WNT8A: variants seen among roughly 807,000 people sequenced by gnomAD.
WNT8A encodes Wnt family member 8A.
WNT8A carries 14 observed loss-of-function variants against 20.5 expected under a neutral mutation model. The ratio of observed to expected loss-of-function variants is 0.68; its 90% CI spans 0.45 to 1.07. The LOEUF is 1.07. Ranked by LOEUF, WNT8A falls within the 50% of genes least tolerant of loss-of-function variation. WNT8A has a pLI of 0.00. For missense variants in WNT8A, 397 were observed against 462.9 expected (o/e 0.86, Z 1.31); for synonymous variants, 167 against 169.2 (o/e 0.99, Z 0.10).
At chr5:138,080,444 G>GTTTTTTTGTTTTTTTTTTTT (rs750585385), upstream of WNT8A, among the ~76,000 whole-genome samples, 2 of 55,996 alleles carry the variant, frequency 3.6e-5, no homozygotes, top group East Asian at 1.1e-3. Context: ...TGTAAATCTT[G>GTTTTTTTGTTTTTTTTTTTT]TTTTTTTTTT....
Position 138,084,292 on chromosome 5 carries a change from A to G in WNT8A, c.156+9A>G, listed in dbSNP as rs1364993944. 1 of 1,613,792 alleles carries G rather than the reference A, an allele frequency of 6.2e-7. No homozygotes were observed. The highest frequency in any genetic ancestry group is 1.7e-5 in the Admixed American group (1 of 60,000). On this transcript the variant is annotated intron_variant, in intron 1 of 4. Transcript: ENST00000506684. ...TGATAACAGGTCCCAAGGTAGGATG[A>G]TCTCCAGCTTCTGTTTTTACCCACT... is the stretch of plus-strand genomic sequence containing the variant.
upstream of WNT8A, among the ~76,000 whole-genome samples, chr5:138,082,487 G>A (rs944053176): frequency 6.6e-6 from 1 of 152,190 alleles, no homozygotes; most frequent in African/African-American, 2.4e-5. Context: ...GCTGAGGCAG[G>A]AGAATCACTT....
At chr5:138,091,921 A>C (rs142139485), downstream of WNT8A, among the ~76,000 whole-genome samples, 4 of 91,400 alleles carry the variant, frequency 4.4e-5, no homozygotes, top group South Asian at 4.1e-4. Context: ...ACGCCTGGGG[A>C]AACCAGCACC....
upstream of WNT8A, among the ~76,000 whole-genome samples, chr5:138,080,453 T>TTTTTTTTG (rs1554086780): frequency 2.0e-4 from 19 of 96,496 alleles, no homozygotes; most frequent in African/African-American, 4.2e-4. Context: ...TGTTTTTTTT[T>TTTTTTTTG]TTTTTTTTTT....
rs1220788682 is a variant in WNT8A at position 138,090,974 on chromosome 5, C to T, written c.1011C>T (p.Cys337=). The part of the protein sequence containing the change: ...ISSCNCKFQW[C]CTVKCDQCRH... Reference sequence around the variant, plus strand: ...GCTGTAACTGCAAATTCCAGTGGTGCTGTACGGTCAAGTGTGACCAGTGTA... The same window carrying T: ...GCTGTAACTGCAAATTCCAGTGGTGTTGTACGGTCAAGTGTGACCAGTGTA... The change falls in exon 5 of 5, where the codon TGC becomes TGT. Residue 337 remains cysteine (C), a synonymous_variant. Transcript: ENST00000506684. 6.2e-7 allele frequency: 1 copy of T among 1,614,052 alleles called. No individual in the cohort carries two copies. Among genetic ancestry groups the T allele is most frequent in the African/African-American group, 1.3e-5 (1 of 74,914 alleles).
upstream of WNT8A, among the ~76,000 whole-genome samples, chr5:138,080,119 T>G (rs1158548076): frequency 6.6e-6 from 1 of 152,002 alleles, no homozygotes; most frequent in Non-Finnish European, 1.5e-5. Context: ...AGCCAGGAGT[T>G]TGAGACCATC....
Position 138,090,602 on chromosome 5 carries a change from G to C in WNT8A, c.639G>C (p.Trp213Cys). The change falls in exon 5 of 5, where the codon TGG (tryptophan) becomes TGC (cysteine). Residue 213 changes from tryptophan to cysteine, a missense_variant. Physicochemically the swap from Trp to Cys is radical, Grantham distance 215 (BLOSUM62 -2). Transcript: ENST00000506684. Reference sequence around the variant, plus strand: ...GGAGCTGCAGCATACAGACATGCTGGCTGCAGCTGGCTGAATTCCGGGAGA... The same window carrying C: ...GGAGCTGCAGCATACAGACATGCTGCCTGCAGCTGGCTGAATTCCGGGAGA... ...ISGSCSIQTC[W>C]LQLAEFREMG... The C allele has an allele frequency of 6.2e-7, 1 of 1,614,178 alleles. No individual in the cohort carries two copies. Among genetic ancestry groups the C allele is most frequent in the Non-Finnish European group, 8.5e-7 (1 of 1,180,034 alleles).
chr5:138,078,496 C>T, the WNT8A span, among the ~76,000 whole-genome samples: 1 of 152,124 alleles, frequency 6.6e-6, no homozygotes, highest in Admixed American at 6.6e-5. Flanking sequence ...TGCTGAGGAT[C>T]GAAGGATTTG....
chr5:138,084,415 TGGCCC>T, intron 1 of WNT8A, 78 bp from the exon 2 acceptor site: 2 of 1,549,260 alleles, frequency 1.3e-6, no homozygotes, highest in Non-Finnish European at 1.7e-6. Flanking sequence ...AATGGAGAGC[TGGCCC>T]ATCTGAGTCC....
At position 138,091,079 on chromosome 5, in the gene WNT8A, C is replaced by T. The variant is rs12520886; in HGVS notation, c.*6C>T. 0.15 allele frequency: 233,882 copies of T among 1,603,662 alleles called. 21,382 individuals carry two copies. The highest frequency in any genetic ancestry group is 0.36 in the East Asian group (16,208 of 44,698). On this transcript the variant is annotated 3_prime_UTR_variant, in exon 5 of 5. Coordinates refer to ENST00000506684, the MANE Select transcript of WNT8A (RefSeq NM_001300939.2). ...TGGGTAAGGGCAGTGCCTGATAATA[C>T]CCCACACAAGTTCACTTGATTAATT... is the stretch of plus-strand genomic sequence containing the variant.
At position 138,088,950 on chromosome 5, in the gene WNT8A, G is replaced by C. The variant is rs1750759560; in HGVS notation, c.445G>C (p.Gly149Arg). Reference protein sequence around the residue: ...KTGGHGWIWGGCSDNVEFGER... With the variant: ...KTGGHGWIWGRCSDNVEFGER... ...AGGAGGCCATGGCTGGATCTGGGGAGGCTGCAGCGACAATGTGGAATTTGG... is the reference window on the plus strand; with the variant it reads ...AGGAGGCCATGGCTGGATCTGGGGACGCTGCAGCGACAATGTGGAATTTGG... The change falls in exon 4 of 5, where the codon GGC (glycine) becomes CGC (arginine). Residue 149 changes from glycine (G) to arginine (R), a missense_variant. Gly to Arg is a moderately radical substitution (Grantham distance 125). Transcript: ENST00000506684. 2 of 1,613,902 alleles carry C rather than the reference G, an allele frequency of 1.2e-6. No individual in the cohort carries two copies. The highest frequency in any genetic ancestry group is 1.7e-6 in the Non-Finnish European group (2 of 1,180,030).
upstream of WNT8A, chr5:138,083,883 C>A: frequency 2.0e-6 from 1 of 489,272 alleles, no homozygotes; most frequent in Non-Finnish European, 3.6e-6. Context: ...GGGCTTTTGG[C>A]GAAAACTGAG....
chr5:138,089,143 G>C, intron 4 of WNT8A, 74 bp downstream of exon 4: 1 of 1,544,404 alleles, frequency 6.5e-7, no homozygotes, highest in Non-Finnish European at 8.7e-7. Flanking sequence ...ACCAAGAGCT[G>C]TCTTATACGT....
intron 2 of WNT8A, among the ~76,000 whole-genome samples, chr5:138,085,876 G>C (rs1750645342): frequency 9.1e-6 from 1 of 110,364 alleles, no homozygotes; most frequent in Non-Finnish European, 2.0e-5. Flanking sequence ...AAAAAAAAAA[G>C]ATGAGGTTCA....
Position 138,084,115 on chromosome 5 carries a change from C to A in WNT8A, c.-13C>A, listed in dbSNP as rs1750580687. On this transcript the variant is annotated 5_prime_UTR_variant, in exon 1 of 5. Coordinates refer to ENST00000506684, the MANE Select transcript of WNT8A (RefSeq NM_001300939.2). ...ATGGGGAACCTGTTTATGCTCTGGG[C>A]AGCTCTGGGCATATGCTGTGCTGCA... is the stretch of plus-strand genomic sequence containing the variant. 1 of 1,614,052 alleles carries A rather than the reference C, an allele frequency of 6.2e-7. No homozygotes were observed. Among genetic ancestry groups the A allele is most frequent in the African/African-American group, 1.3e-5 (1 of 75,042 alleles).
chr5:138,078,629 A>C, the WNT8A span, among the ~76,000 whole-genome samples: 1 of 152,166 alleles, frequency 6.6e-6, no homozygotes, highest in Non-Finnish European at 1.5e-5. Context: ...TGAAAGCCTT[A>C]AACTATAGGA....
chr5:138,081,672 A>G (rs1750515404), upstream of WNT8A, among the ~76,000 whole-genome samples: 1 of 151,986 alleles, frequency 6.6e-6, no homozygotes, highest in African/African-American at 2.4e-5. Context: ...AGAGGCCCAC[A>G]AGCAATCAAA....
intron 2 of WNT8A, 103 bp from the exon 3 acceptor site, chr5:138,087,703 G>A: frequency 5.2e-6 from 5 of 967,302 alleles, no homozygotes; most frequent in South Asian, 4.5e-5. Flanking sequence ...TAAACCCAAA[G>A]GAAGTGGGGG....
chr5:138,091,554 T>A, downstream of WNT8A: 1 of 1,250,222 alleles, frequency 8.0e-7, no homozygotes. Flanking sequence ...AAAGACCACA[T>A]ATCTGCCTAC....
Sources: allele counts gnomAD v4.1 joint callset (sites outside exome capture counted in the v4.1 genomes callset), GRCh38; gene constraint gnomAD v4.1.1; transcripts MANE v1.5; gene names NCBI Gene and HGNC (gene_info 2026-07-23, HGNC 2026-07-21).